The following PLCZ1 variants were observed in gnomAD, a reference collection of about 807,000 sequenced individuals.
The protein encoded by PLCZ1 is phospholipase C zeta 1.
In PLCZ1, 64 loss-of-function variants were observed where a neutral mutation model predicts 76.8. That is an observed-to-expected ratio of 0.83 (90% CI 0.68 to 1.03). PLCZ1 has a LOEUF of 1.03. PLCZ1 is among the 50% of genes least tolerant of loss of function. PLCZ1 has a pLI of 0.00. For synonymous variants in PLCZ1, 248 were observed against 230.8 expected, an observed-to-expected ratio of 1.07 and a Z score of -0.68; for missense variants, 751 against 713.7, an observed-to-expected ratio of 1.05 and a Z score of -0.60.
At chr12:18,655,376 A>G in the PLCZ1 span, among the ~76,000 whole-genome samples, 2 of 152,300 alleles carry the variant, frequency 1.3e-5, no homozygotes, top group East Asian at 1.9e-4. Flanking sequence ...GAAGTATAAA[A>G]TAGTTATCCA....
chr12:18,687,166 T>C (rs529684717), intron 13 of PLCZ1, among the ~76,000 whole-genome samples: 132 of 152,190 alleles, frequency 8.7e-4, no homozygotes, highest in South Asian at 2.3e-3. Context: ...GGCAATAAAA[T>C]CTTTCCAAAT....
the PLCZ1 span, among the ~76,000 whole-genome samples, chr12:18,646,770 C>T: frequency 6.6e-6 from 1 of 152,254 alleles, no homozygotes; most frequent in Admixed American, 6.5e-5. Flanking sequence ...GATTTCCACT[C>T]AGCTCTCTCC....
chr12:18,665,715 T>C, the PLCZ1 span, among the ~76,000 whole-genome samples: 1 of 152,054 alleles, frequency 6.6e-6, no homozygotes, highest in South Asian at 2.1e-4. Context: ...GGCAGGTGGA[T>C]CACGAGGTCA....
Position 18,723,558 on chromosome 12 carries a change from C to A in PLCZ1, c.136-16G>T. The stretch of plus-strand genomic sequence containing the variant: ...TGTCATTGTCCTACTAAAAAAATGA[C>A]TGGTGGGCTCACATTGTGAGTATAA... On this transcript the variant is annotated splice_polypyrimidine_tract_variant and intron_variant, in intron 3 of 14. Coordinates refer to ENST00000266505, the MANE Select transcript of PLCZ1 (RefSeq NM_033123.4). 6.3e-7 allele frequency: 1 copy of A among 1,582,510 alleles called. No homozygotes were observed. Among genetic ancestry groups the A allele is most frequent in the Non-Finnish European group, 8.7e-7 (1 of 1,153,444 alleles).
chr12:18,728,575 G>C (rs537865367), intron 3 of PLCZ1, among the ~76,000 whole-genome samples: 1 of 152,092 alleles, frequency 6.6e-6, no homozygotes, highest in Admixed American at 6.6e-5. Context: ...AGAAGGAGAA[G>C]GACTGATCAC....
intron 3 of PLCZ1, among the ~76,000 whole-genome samples, chr12:18,731,467 G>A (rs972512279): frequency 4.6e-5 from 7 of 151,036 alleles, no homozygotes; most frequent in African/African-American, 1.7e-4. Context: ...AAAAACTGGG[G>A]CTTGGGGAAA....
At chr12:18,653,007 C>G in the PLCZ1 span, among the ~76,000 whole-genome samples, 1 of 152,050 alleles carries the variant, frequency 6.6e-6, no homozygotes, top group African/African-American at 2.4e-5. Context: ...TTTGGACACA[C>G]AGTCACCCCC....
intron 3 of PLCZ1, 98 bp from the exon 4 acceptor site, chr12:18,723,640 AAAG>A (rs1958584565): frequency 2.1e-6 from 2 of 942,744 alleles, no homozygotes; most frequent in Non-Finnish European, 3.2e-6. Flanking sequence ...TTTATACTTG[AAAG>A]AAGATGAAAA....
At position 18,732,993 on chromosome 12, in the gene PLCZ1, T is replaced by A. The variant is rs530398157; in HGVS notation, c.135+3228A>T. 9.8e-5 allele frequency among the ~76,000 whole-genome samples: 15 copies of A among 152,316 alleles called. No individual in the cohort carries two copies. In the South Asian group the frequency reaches 2.9e-3, roughly 29 times the overall value. ...ATACCCAGAAATGGGATTGCTGGAT[T>A]ATATGGCAGTTCTATTTTTAATTTT... On this transcript the variant is annotated intron_variant, in intron 3 of 14. Transcript: ENST00000266505.
chr12:18,713,360 A>G (rs1957569565), intron 5 of PLCZ1, among the ~76,000 whole-genome samples: 1 of 152,182 alleles, frequency 6.6e-6, no homozygotes, highest in South Asian at 2.1e-4. Context: ...GTTCAATGCC[A>G]TACCATTCAA....
At chr12:18,702,408 C>T (rs931310340) in intron 7 of PLCZ1, among the ~76,000 whole-genome samples, 1 of 152,064 alleles carries the variant, frequency 6.6e-6, no homozygotes, top group African/African-American at 2.4e-5. Context: ...GTTATTCCTG[C>T]CCTTAGGATA....
chr12:18,650,704 GTATATATCTATATATATATA>G, the PLCZ1 span, among the ~76,000 whole-genome samples: 282 of 57,756 alleles, frequency 4.9e-3, 3 homozygotes, highest in African/African-American at 0.014. Flanking sequence ...GTGTGTGTGT[GTATATATCTATATATATATA>G]TATATATATA....
chr12:18,705,331 T>C lies in PLCZ1; in HGVS notation c.715-16A>G, dbSNP rs765393083. On this transcript the variant is annotated splice_polypyrimidine_tract_variant and intron_variant, in intron 6 of 14. Coordinates refer to ENST00000266505, the MANE Select transcript of PLCZ1 (RefSeq NM_033123.4). The stretch of plus-strand genomic sequence containing the variant: ...AGTCAGATGTCTAAAAAAGTAACCA[T>C]TACTATGGTTATTCATCAAAACTTC... 1 of 1,613,822 alleles carries C rather than the reference T, an allele frequency of 6.2e-7. No homozygotes were observed. The highest frequency in any genetic ancestry group is 1.7e-5 in the Admixed American group (1 of 60,010).
chr12:18,723,509 T>A lies in PLCZ1; in HGVS notation c.169A>T (p.Ile57Leu). ...NDRLKQGRIT[I>L]EEFRAIYRII... ...CGATAAATTGCTCTAAATTCTTCTA[T>A]GGTGATTCTTCCTTGTTTCAGCCTG... The change falls in exon 4 of 15, where the codon ATA (isoleucine) becomes TTA (leucine). Residue 57 changes from isoleucine to leucine, a missense_variant. Physicochemically the swap from Ile to Leu is conservative, Grantham distance 5. Coordinates refer to ENST00000266505, the MANE Select transcript of PLCZ1 (RefSeq NM_033123.4). The A allele has an allele frequency of 6.2e-7, 1 of 1,612,662 alleles. No individual in the cohort carries two copies. Among genetic ancestry groups the A allele is most frequent in the Non-Finnish European group, 8.5e-7 (1 of 1,179,374 alleles).
At chr12:18,714,710 G>T (rs1037087409) in intron 5 of PLCZ1, 7 of 152,140 alleles carry the variant, frequency 4.6e-5, no homozygotes, top group African/African-American at 2.4e-5. Flanking sequence ...TCACAGGAGG[G>T]ATTTGGCAAT....
intron 12 of PLCZ1, 25 bp downstream of exon 12, chr12:18,694,885 G>A (rs1286220214): frequency 6.5e-7 from 1 of 1,536,132 alleles, no homozygotes; most frequent in Non-Finnish European, 8.9e-7. Flanking sequence ...ACCAAAAAAT[G>A]TAAAAGAAAA....
chr12:18,698,302 A>T (rs1208501524), intron 10 of PLCZ1, among the ~76,000 whole-genome samples: 1 of 151,670 alleles, frequency 6.6e-6, no homozygotes. Context: ...ATTCCATTCC[A>T]TTCCATCCCA....
intron 13 of PLCZ1, chr12:18,685,680 T>C (rs1257212871): frequency 1.9e-6 from 1 of 515,254 alleles, no homozygotes; most frequent in Non-Finnish European, 3.9e-6. Context: ...AATAATTTCA[T>C]GGGGTACAGA....
intron 12 of PLCZ1, among the ~76,000 whole-genome samples, chr12:18,690,116 C>G (rs1953836648): frequency 1.3e-5 from 2 of 152,088 alleles, no homozygotes; most frequent in Admixed American, 6.6e-5. Flanking sequence ...CTATTCATAA[C>G]AGGAAAAATA....
Sources: gnomAD v4.1 joint callset for allele counts (sites outside exome capture counted in the v4.1 genomes callset) on GRCh38, gnomAD v4.1.1 for gene constraint, MANE v1.5 for transcripts, NCBI Gene and HGNC (gene_info 2026-07-23, HGNC 2026-07-21) for gene names.